Variants in DRC8 observed in about 807,000 individuals in gnomAD.
DRC8 encodes dynein regulatory complex subunit 8, also known as dynein regulatory complex protein 8.
chr1:245,052,267 A>G, the DRC8 span, among the ~76,000 whole-genome samples: 807 of 152,344 alleles, frequency 5.3e-3, 4 homozygotes, highest in African/African-American at 0.018. Context: ...TTATTGCAGC[A>G]GTGCTTTGCA....
the DRC8 span, among the ~76,000 whole-genome samples, chr1:245,010,408 T>A: frequency 1.3e-5 from 2 of 152,168 alleles, no homozygotes; most frequent in Admixed American, 6.5e-5. Context: ...GTATCTGGCC[T>A]CTGAAGGAGA....
At chr1:245,022,839 A>C in the DRC8 span, among the ~76,000 whole-genome samples, 1 of 152,210 alleles carries the variant, frequency 6.6e-6, no homozygotes, top group Admixed American at 6.5e-5. Flanking sequence ...CATCACCGCT[A>C]TCCATTTTAG....
the DRC8 span, among the ~76,000 whole-genome samples, chr1:244,984,352 A>C: frequency 7.9e-5 from 12 of 152,160 alleles, no homozygotes; most frequent in Non-Finnish European, 1.6e-4. Context: ...ATCCTGTTAC[A>C]GTGGAAATGA....
At chr1:245,044,240 GATTTC>G in the DRC8 span, among the ~76,000 whole-genome samples, 4 of 152,158 alleles carry the variant, frequency 2.6e-5, no homozygotes, top group African/African-American at 9.6e-5. Flanking sequence ...CACCTTTAGT[GATTTC>G]ATGTTTGTAA....
chr1:245,015,468 T>G, the DRC8 span, among the ~76,000 whole-genome samples: 1 of 152,062 alleles, frequency 6.6e-6, no homozygotes, highest in Non-Finnish European at 1.5e-5. Flanking sequence ...CCCAGCACTT[T>G]GGGAGGCTGA....
chr1:244,970,565 C>A, the DRC8 span: 1 of 1,341,460 alleles, frequency 7.5e-7, no homozygotes, highest in South Asian at 1.4e-5. Context: ...AGGGAAAGGG[C>A]GGCCTGAGGA....
the DRC8 span, among the ~76,000 whole-genome samples, chr1:244,995,534 T>A: frequency 6.6e-6 from 1 of 152,046 alleles, no homozygotes; most frequent in Non-Finnish European, 1.5e-5. Context: ...ATTTTTAAAT[T>A]TTTTTGTAGA....
the DRC8 span, among the ~76,000 whole-genome samples, chr1:245,000,274 G>C: frequency 1.3e-5 from 2 of 152,174 alleles, no homozygotes; most frequent in Non-Finnish European, 2.9e-5. Flanking sequence ...TTCTTGTGAT[G>C]AAGAAGGGAT....
At chr1:245,070,740 T>C in the DRC8 span, among the ~76,000 whole-genome samples, 1 of 152,214 alleles carries the variant, frequency 6.6e-6, no homozygotes, top group Non-Finnish European at 1.5e-5. Flanking sequence ...CATGTTTCTA[T>C]GATGCTGTGG....
At chr1:245,041,077 T>C in the DRC8 span, among the ~76,000 whole-genome samples, 1 of 152,210 alleles carries the variant, frequency 6.6e-6, no homozygotes, top group Admixed American at 6.5e-5. Flanking sequence ...TGGAATAGTT[T>C]AGACGTTCTG....
chr1:244,987,528 GTGGTA>G, the DRC8 span, among the ~76,000 whole-genome samples: 2 of 151,846 alleles, frequency 1.3e-5, no homozygotes, highest in African/African-American at 4.8e-5. Context: ...TAGTGTTTTG[GTGGTA>G]TATTGTCTTT....
the DRC8 span, among the ~76,000 whole-genome samples, chr1:245,110,549 A>G: frequency 6.6e-6 from 1 of 152,272 alleles, no homozygotes; most frequent in African/African-American, 2.4e-5. Context: ...GGAAAGAAAT[A>G]AGAACATTAA....
the DRC8 span, among the ~76,000 whole-genome samples, chr1:244,994,552 C>G: frequency 6.6e-6 from 1 of 152,182 alleles, no homozygotes; most frequent in South Asian, 2.1e-4. Context: ...GCCTCAGCCT[C>G]CCAAGTAGCT....
chr1:244,999,102 G>A, the DRC8 span, among the ~76,000 whole-genome samples: 1 of 150,232 alleles, frequency 6.7e-6, no homozygotes, highest in Non-Finnish European at 1.5e-5. Context: ...GGAGAGGAAG[G>A]GGAGGGGAAG....
the DRC8 span, chr1:245,002,155 G>A: frequency 8.1e-6 from 13 of 1,608,794 alleles, no homozygotes; most frequent in African/African-American, 8.0e-5. Context: ...ATAAGGCCTC[G>A]GACTTTACTG....
the DRC8 span, chr1:244,971,182 C>T: frequency 6.6e-6 from 1 of 152,184 alleles, no homozygotes; most frequent in Non-Finnish European, 1.5e-5. Flanking sequence ...TAGCGCCGCG[C>T]AATTGGCCTA....
At chr1:245,043,782 G>T in the DRC8 span, 1 of 152,338 alleles carries the variant, frequency 6.6e-6, no homozygotes, top group South Asian at 2.1e-4. Context: ...CTCAGCGTCA[G>T]TGGTGTGCTG....
the DRC8 span, among the ~76,000 whole-genome samples, chr1:245,114,307 A>G: frequency 1.3e-5 from 2 of 152,058 alleles, no homozygotes; most frequent in Admixed American, 6.6e-5. Context: ...TGCTAAAAAT[A>G]CAAAAAAATT....
At chr1:245,047,076 C>A in the DRC8 span, among the ~76,000 whole-genome samples, 78 of 152,304 alleles carry the variant, frequency 5.1e-4, no homozygotes, top group Admixed American at 7.8e-4. Flanking sequence ...CGCAGTGCTG[C>A]TTTCATCAGC....
Sources: gnomAD v4.1 joint callset for allele counts (sites outside exome capture counted in the v4.1 genomes callset) on GRCh38, gnomAD v4.1.1 for gene constraint, MANE v1.5 for transcripts, NCBI Gene and HGNC (gene_info 2026-07-23, HGNC 2026-07-21) for gene names.